SH3TC1: variants seen among roughly 807,000 people sequenced by gnomAD.
SH3TC1 encodes SH3 domain and tetratricopeptide repeat-containing protein 1.
In SH3TC1, 135 loss-of-function variants were observed where a neutral mutation model predicts 117.3. That is an observed-to-expected ratio of 1.15 (90% confidence interval 1.00 to 1.33). The LOEUF (loss-of-function observed/expected upper bound fraction) is 1.33, where lower values mean the gene tolerates loss of function less well. SH3TC1 is among the 40% of genes most tolerant of loss of function. The pLI is 0.00. For missense variants in SH3TC1, 2,092 were observed against 1,794.3 expected (o/e 1.17, Z -3.00); for synonymous variants, 898 against 816.9 (o/e 1.10, Z -1.69).
chr4:8,207,130 C>T (rs867428073), intron 2 of SH3TC1, among the ~76,000 whole-genome samples: 13 of 151,592 alleles, frequency 8.6e-5, no homozygotes, highest in African/African-American at 1.2e-4. Context: ...CTGACGTGAC[C>T]GCGACCTCTC....
intron 11 of SH3TC1, among the ~76,000 whole-genome samples, chr4:8,226,290 A>C (rs995548330): frequency 1.3e-5 from 2 of 152,194 alleles, no homozygotes. Context: ...CTGCGTGGGC[A>C]GCCTGGCCTT....
In SH3TC1 at chr4:8,209,685, G is replaced by A. The variant is rs559072277; in HGVS notation, c.173-63G>A. On this transcript the variant is annotated intron_variant, in intron 2 of 17. Transcript: ENST00000245105. The surrounding 1 kb of genome is among the most constrained non-coding windows in gnomAD (Gnocchi z 5.9). ...TGCAGAGAGACCTGGAGCGTTTGGCGCCTTCAGAGGAGCCAGGCCTTTGCT... is the reference window on the plus strand; with the variant it reads ...TGCAGAGAGACCTGGAGCGTTTGGCACCTTCAGAGGAGCCAGGCCTTTGCT... 1.3e-5 allele frequency: 21 copies of A among 1,605,810 alleles called. No individual in the cohort carries two copies. Among genetic ancestry groups the A allele is most frequent in the African/African-American group, 2.7e-5 (2 of 74,964 alleles).
chr4:8,218,015 T>G, intron 7 of SH3TC1, among the ~76,000 whole-genome samples: 2 of 151,468 alleles, frequency 1.3e-5, no homozygotes, highest in Admixed American at 6.6e-5. Context: ...CCCACAGGGG[T>G]GGCGGTGTTT....
intron 6 of SH3TC1, 131 bp from the exon 7 acceptor site, chr4:8,216,826 T>C (rs1367430571): frequency 1.1e-6 from 1 of 886,766 alleles, no homozygotes; most frequent in African/African-American, 1.7e-5. Flanking sequence ...TGGGTCTCTG[T>C]GCCTGCAGAC....
Position 8,236,348 on chromosome 4 carries a change from T to C in SH3TC1, c.3476T>C (p.Val1159Ala). The C allele has an allele frequency of 6.4e-7, 1 of 1,550,686 alleles. No homozygotes were observed. The highest frequency in any genetic ancestry group is 2.4e-5 in the East Asian group (1 of 41,048). ...GAGCTGCGGCTGTGCAACAAGCTGG[T>C]GGCACTGCTGGCCACGCTGGAGGAG... is the stretch of plus-strand genomic sequence containing the variant. Reference protein sequence around the residue: ...KAELRLCNKLVALLATLEEPQ... With the variant: ...KAELRLCNKLAALLATLEEPQ... The change falls in exon 16 of 18, where the codon GTG becomes GCG. Residue 1159 changes from valine (V) to alanine (A), a missense_variant. Coordinates refer to ENST00000245105, the MANE Select transcript of SH3TC1 (RefSeq NM_018986.5).
At chr4:8,224,182 C>A (rs1720240847) in intron 10 of SH3TC1, among the ~76,000 whole-genome samples, 1 of 152,234 alleles carries the variant, frequency 6.6e-6, no homozygotes, top group South Asian at 2.1e-4. Context: ...CACCCCCTCA[C>A]ACACATATGC....
rs972835013 is a variant in SH3TC1, at chr4:8,210,629, G to A, written c.247+807G>A. 2.6e-5 allele frequency among the ~76,000 whole-genome samples: 4 copies of A among 151,850 alleles called. No individual in the cohort carries two copies. The highest frequency in any genetic ancestry group is 6.6e-5 in the Admixed American group (1 of 15,242). On this transcript the variant is annotated intron_variant, in intron 3 of 17. Coordinates refer to ENST00000245105, the MANE Select transcript of SH3TC1 (RefSeq NM_018986.5). The surrounding 1 kb of genome is among the most constrained non-coding windows in gnomAD (Gnocchi z 4.1). ...TCTACTAAAAATACAAAAATTAGCTGGCGCATGCCTGTAATCCCAGCTATT... is the reference window on the plus strand; with the variant it reads ...TCTACTAAAAATACAAAAATTAGCTAGCGCATGCCTGTAATCCCAGCTATT...
chr4:8,240,161 T>A (rs150594858), intron 17 of SH3TC1, among the ~76,000 whole-genome samples: 2 of 152,090 alleles, frequency 1.3e-5, no homozygotes, highest in Non-Finnish European at 2.9e-5. Flanking sequence ...CCAGGGATGG[T>A]GAGTTTGAGC....
intron 8 of SH3TC1, 108 bp from the exon 9 acceptor site, chr4:8,219,227 C>G: frequency 1.7e-6 from 2 of 1,177,328 alleles, no homozygotes; most frequent in East Asian, 2.6e-5. Flanking sequence ...CTCCTAGTAA[C>G]CAAAAGATGA....
chr4:8,228,183 C>T lies in SH3TC1; in HGVS notation c.2489C>T (p.Ala830Val), dbSNP rs1360950431. The T allele has an allele frequency of 2.5e-6, 4 of 1,610,426 alleles. No individual in the cohort carries two copies. Among genetic ancestry groups the T allele is most frequent in the Non-Finnish European group, 3.4e-6 (4 of 1,178,414 alleles). The change falls in exon 12 of 18, where the codon GCC becomes GTC. Residue 830 changes from alanine to valine, a missense_variant. Transcript: ENST00000245105. ...CGTGCCATCGTGGACCACCTGGTGG[C>T]CCTGGCCTGGCTGCACGTGCTTCAT... ...GVRAIVDHLV[A>V]LAWLHVLHGQ...
intron 16 of SH3TC1, 34 bp from the exon 17 acceptor site, chr4:8,237,440 G>A (rs376117553): frequency 1.6e-5 from 24 of 1,464,334 alleles, no homozygotes; most frequent in Non-Finnish European, 2.1e-5. Context: ...GGGGAGCCAC[G>A]TCCTCACACC....
Position 8,183,507 on chromosome 4 carries a change from GGCTTGGCTGGGATCCC to G in SH3TC1, c.-57+1300_-57+1315del. ...AGCCCCACCCAAGCAGGCGGCTCCA[GGCTTGGCTGGGATCCC>G]GCAGTGACGCTTGGGTGTCTTTGGG... is the stretch of plus-strand genomic sequence containing the variant. On this transcript the variant is annotated intron_variant, in intron 1 of 16. Transcript: ENST00000508641. This position sits in a 1 kb window ranked among gnomAD's most constrained non-coding sequence, Gnocchi z 5.4. Among the ~76,000 whole-genome samples the G allele has an allele frequency of 6.6e-6, 1 of 152,212 alleles. No homozygotes were observed. Among genetic ancestry groups the G allele is most frequent in the Non-Finnish European group, 1.5e-5 (1 of 68,040 alleles).
At position 8,194,065 on chromosome 4, in the gene SH3TC1, G is replaced by A. The variant is rs375057556; in HGVS notation, c.-57+11855G>A. ...GCTCCCCAGCCAGCACCCCTGGCTT[G>A]AGTTGCAGCCTGGGGCTCGGGCCTC... On this transcript the variant is annotated intron_variant, in intron 1 of 16. Transcript: ENST00000508641. Among the ~76,000 whole-genome samples the A allele has an allele frequency of 1.3e-3, 201 of 152,358 alleles. 1 individual carries two copies. The highest frequency in any genetic ancestry group is 3.4e-3 in the Middle Eastern group (1 of 294).
At position 8,189,478 on chromosome 4, in the gene SH3TC1, G is replaced by T. The variant is rs192788113; in HGVS notation, c.-57+7268G>T. Among the ~76,000 whole-genome samples the T allele has an allele frequency of 1.2e-4, 18 of 152,366 alleles. No individual in the cohort carries two copies. In the East Asian group the frequency reaches 3.5e-3, roughly 29 times the overall value. ...CTGGAGGAGAAGGGGTGCCAGGAAGGAGTGGTGTGCAGAAGCCAGGGCAGG... is the reference window on the plus strand; with the variant it reads ...CTGGAGGAGAAGGGGTGCCAGGAAGTAGTGGTGTGCAGAAGCCAGGGCAGG... On this transcript the variant is annotated intron_variant, in intron 1 of 16. Transcript: ENST00000508641.
chr4:8,225,908 G>A lies in SH3TC1; in HGVS notation c.1285+692G>A, dbSNP rs147054120. Among the ~76,000 whole-genome samples, 4 of 152,198 alleles carry A rather than the reference G, an allele frequency of 2.6e-5. No individual in the cohort carries two copies. Among genetic ancestry groups the A allele is most frequent in the East Asian group, 1.9e-4 (1 of 5,158 alleles). On this transcript the variant is annotated intron_variant, in intron 11 of 17. Transcript: ENST00000245105. The surrounding 1 kb of genome is among the most constrained non-coding windows in gnomAD (Gnocchi z 5.5). Reference sequence around the variant, plus strand: ...GGAGGGGGTGGATCCACCCTCTGCCGAAGTCCCTGGAGCAAATGCGAGTGA... The same window carrying A: ...GGAGGGGGTGGATCCACCCTCTGCCAAAGTCCCTGGAGCAAATGCGAGTGA...
chr4:8,229,788 C>G (rs1279332314), intron 12 of SH3TC1, among the ~76,000 whole-genome samples: 1 of 152,092 alleles, frequency 6.6e-6, no homozygotes, highest in African/African-American at 2.4e-5. Context: ...GGCACCCCAG[C>G]CCCCACAGCA....
In SH3TC1 at chr4:8,236,265, G is replaced by C; in HGVS notation, c.3406-13G>C. On this transcript the variant is annotated splice_polypyrimidine_tract_variant and intron_variant, in intron 15 of 17. Coordinates refer to ENST00000245105, the MANE Select transcript of SH3TC1 (RefSeq NM_018986.5). ...TGCTGCGGGAAGCCTGACCCCACCT[G>C]CCTGTGTGGCAGGACCGGGCCCTGC... 1 of 1,541,408 alleles carries C rather than the reference G, an allele frequency of 6.5e-7. No homozygotes were observed. The highest frequency in any genetic ancestry group is 8.8e-7 in the Non-Finnish European group (1 of 1,142,174).
rs760395932 is a variant in SH3TC1 at position 8,227,063 on chromosome 4, C to T, written c.1369C>T (p.Pro457Ser). 1.2e-6 allele frequency: 2 copies of T among 1,608,460 alleles called. No individual in the cohort carries two copies. The highest frequency in any genetic ancestry group is 2.2e-5 in the South Asian group (2 of 90,628). Residue 457 changes from proline to serine, a missense_variant, in exon 12 of 18, where the codon CCA becomes TCA. Coordinates refer to ENST00000245105, the MANE Select transcript of SH3TC1 (RefSeq NM_018986.5). ...TGTTCTGGAACAATGCAAGACCTGC[C>T]CAGGCTGCCCCCAGGAGCCAGCGTC... ...KNVLEQCKTCPGCPQEPASWG... is the reference protein window; with the variant it reads ...KNVLEQCKTCSGCPQEPASWG...
In SH3TC1 at chr4:8,228,123, C is replaced by T. The variant is rs141246804; in HGVS notation, c.2429C>T (p.Thr810Met). 4.1e-3 allele frequency: 6,532 copies of T among 1,612,116 alleles called. 30 individuals carry two copies. Among genetic ancestry groups the T allele is most frequent in the Middle Eastern group, 0.024 (148 of 6,058 alleles). ...CACGGCCCGGCCATCACCTTCATGACGCAGGCAGTGGAAGCCAGTGCTATT... is the reference window on the plus strand; with the variant it reads ...CACGGCCCGGCCATCACCTTCATGATGCAGGCAGTGGAAGCCAGTGCTATT... ...GCHGPAITFM[T>M]QAVEASAIAG... The change falls in exon 12 of 18, where the codon ACG becomes ATG. Residue 810 changes from threonine (T) to methionine (M), a missense_variant. By Grantham distance (81) the Thr-to-Met change is moderately conservative (BLOSUM62 -1). Transcript: ENST00000245105.
Sources: allele counts gnomAD v4.1 joint callset (sites outside exome capture counted in the v4.1 genomes callset), GRCh38; gene constraint gnomAD v4.1.1; non-coding constraint Gnocchi (gnomAD v3.1); transcripts MANE v1.5; gene names NCBI Gene and HGNC (gene_info 2026-07-23, HGNC 2026-07-21).